Variants in MAGI2 observed in about 807,000 individuals in gnomAD.
MAGI2 encodes the protein membrane-associated guanylate kinase, WW and PDZ domain-containing protein 2.
Under a neutral mutation model 133.3 loss-of-function variants are expected in MAGI2, and 35 were observed. The ratio of observed to expected loss-of-function variants is 0.26; its 90% CI spans 0.20 to 0.35. MAGI2 has a LOEUF of 0.35. MAGI2 is among the 10% of genes least tolerant of loss of function. The pLI is 1.00. For synonymous variants in MAGI2, 729 were observed against 710.6 expected (o/e 1.03, Z -0.41); for missense variants, 1,636 against 1,863.4 (o/e 0.88, Z 2.25).
At chr7:78,105,048 G>T (rs1818547385) in intron 20 of MAGI2, among the ~76,000 whole-genome samples, 1 of 151,998 alleles carries the variant, frequency 6.6e-6, no homozygotes, top group East Asian at 1.9e-4. Flanking sequence ...TTTCCTCATA[G>T]TTTATAATAT....
At chr7:78,439,075 A>C (rs1787341479) in intron 6 of MAGI2, among the ~76,000 whole-genome samples, 1 of 152,176 alleles carries the variant, frequency 6.6e-6, no homozygotes, top group African/African-American at 2.4e-5. Context: ...TACCCAGTTT[A>C]TGTCAAAAAT....
chr7:78,600,833 TCAA>T (rs1202272929), intron 3 of MAGI2, among the ~76,000 whole-genome samples: 1 of 152,034 alleles, frequency 6.6e-6, no homozygotes, highest in Non-Finnish European at 1.5e-5. Flanking sequence ...AATTGATAAA[TCAA>T]CAAATAGTAG....
At chr7:78,314,175 C>T (rs1787167020) in intron 9 of MAGI2, among the ~76,000 whole-genome samples, 1 of 152,146 alleles carries the variant, frequency 6.6e-6, no homozygotes, top group African/African-American at 2.4e-5. Context: ...CATTAAATGG[C>T]ATTAGCCCAG....
chr7:79,039,929 C>T (rs1811502509), intron 1 of MAGI2, among the ~76,000 whole-genome samples: 1 of 148,246 alleles, frequency 6.7e-6, no homozygotes, highest in Admixed American at 6.8e-5. Context: ...GAAGAAAATC[C>T]TGTCATTTGC....
At chr7:78,904,564 C>G (rs912672674) in intron 2 of MAGI2, among the ~76,000 whole-genome samples, 2 of 146,522 alleles carry the variant, frequency 1.4e-5, no homozygotes, top group Non-Finnish European at 3.0e-5. Flanking sequence ...TGCTCTGTCA[C>G]TCAGGCTGGA....
intron 2 of MAGI2, among the ~76,000 whole-genome samples, chr7:78,748,756 CA>C (rs1369341052): frequency 5.9e-5 from 8 of 135,292 alleles, no homozygotes; most frequent in African/African-American, 1.6e-4. Flanking sequence ...ATTTCAAATA[CA>C]TTTTTTTTCT....
chr7:79,246,964 G>A (rs1309641531), intron 1 of MAGI2, among the ~76,000 whole-genome samples: 1 of 152,160 alleles, frequency 6.6e-6, no homozygotes, highest in Non-Finnish European at 1.5e-5. Flanking sequence ...AGAATTATTT[G>A]TGGAAACCTT....
intron 1 of MAGI2, among the ~76,000 whole-genome samples, chr7:79,378,968 ATATT>A (rs1169963128): frequency 2.4e-4 from 23 of 94,718 alleles, no homozygotes; most frequent in African/African-American, 7.7e-4. Flanking sequence ...ATATATATAT[ATATT>A]AAACTTTAAG....
chr7:78,278,382 A>G (rs1795247488), intron 9 of MAGI2, among the ~76,000 whole-genome samples: 1 of 152,144 alleles, frequency 6.6e-6, no homozygotes, highest in Non-Finnish European at 1.5e-5. Flanking sequence ...AAGTATTTCA[A>G]TAATTGCCTG....
chr7:78,669,170 A>C (rs973751525), intron 2 of MAGI2, among the ~76,000 whole-genome samples: 100 of 152,176 alleles, frequency 6.6e-4, no homozygotes, highest in East Asian at 2.7e-3. Flanking sequence ...TGATAGACCG[A>C]TAGCAAGACT....
intron 1 of MAGI2, among the ~76,000 whole-genome samples, chr7:79,378,167 A>G (rs992141181): frequency 1.3e-5 from 2 of 151,862 alleles, no homozygotes; most frequent in Non-Finnish European, 2.9e-5. Flanking sequence ...TGCTCAGGCT[A>G]TTATAAAAGC....
intron 5 of MAGI2, among the ~76,000 whole-genome samples, chr7:78,494,044 T>C (rs1012811700): frequency 6.6e-6 from 1 of 152,130 alleles, no homozygotes; most frequent in Non-Finnish European, 1.5e-5. Flanking sequence ...TGGCATGATC[T>C]TGGCTCACTG....
intron 2 of MAGI2, among the ~76,000 whole-genome samples, chr7:78,745,465 T>C (rs960089359): frequency 3.9e-5 from 6 of 152,084 alleles, no homozygotes; most frequent in African/African-American, 9.7e-5. Flanking sequence ...TGTGTGTTGT[T>C]CTCTCCACAT....
intron 1 of MAGI2, among the ~76,000 whole-genome samples, chr7:79,190,375 T>G (rs926754855): frequency 2.1e-4 from 32 of 151,932 alleles, no homozygotes; most frequent in Admixed American, 5.9e-4. Context: ...TAATGACATA[T>G]GATGTTGAGC....
At position 78,479,697 on chromosome 7, in the gene MAGI2, A is replaced by G. The variant is rs79108033; in HGVS notation, c.1045+10064T>C. Among the ~76,000 whole-genome samples, 581 of 152,114 alleles carry G rather than the reference A, an allele frequency of 3.8e-3. 5 individuals are homozygous for G. Among genetic ancestry groups the G allele is most frequent in the African/African-American group, 0.014 (564 of 41,552 alleles). ...AAATGTCCATTTAAAAATGGTCTGT[A>G]TAATGAATGTCCAGGATAAACATAA... On this transcript the variant is annotated intron_variant, in intron 6 of 21. Transcript: ENST00000354212.
At chr7:78,020,942 CTAGTTCCAACATTTACTTAGGA>C (rs1563012013) in intron 21 of MAGI2, among the ~76,000 whole-genome samples, 1 of 152,100 alleles carries the variant, frequency 6.6e-6, no homozygotes, top group Non-Finnish European at 1.5e-5. Context: ...TCTAGGAAGT[CTAGTTCCAACATTTACTTAGGA>C]TTTAAGTTAC....
intron 9 of MAGI2, among the ~76,000 whole-genome samples, chr7:78,267,567 C>T (rs1794142401): frequency 6.6e-6 from 1 of 152,142 alleles, no homozygotes; most frequent in South Asian, 2.1e-4. Flanking sequence ...AATTAAAACT[C>T]CCTCAAACAC....
At chr7:78,537,170 T>TACACACACACACACACACAC (rs3086437) in intron 3 of MAGI2, among the ~76,000 whole-genome samples, 1 of 146,202 alleles carries the variant, frequency 6.8e-6, no homozygotes, top group Non-Finnish European at 1.5e-5. Flanking sequence ...AGTATTCCAC[T>TACACACACACACACACACAC]ACACACACAC....
At chr7:78,433,686 T>C (rs1369124940) in intron 6 of MAGI2, among the ~76,000 whole-genome samples, 1 of 152,134 alleles carries the variant, frequency 6.6e-6, no homozygotes, top group Non-Finnish European at 1.5e-5. Context: ...ATGAGTTCTC[T>C]CAGTTGCAGA....
Sources: gnomAD v4.1 joint callset for allele counts (sites outside exome capture counted in the v4.1 genomes callset) on GRCh38, gnomAD v4.1.1 for gene constraint, MANE v1.5 for transcripts, NCBI Gene and HGNC (gene_info 2026-07-23, HGNC 2026-07-21) for gene names.